Variants in GRIA1 observed in about 807,000 individuals in gnomAD.
GRIA1 encodes the protein glutamate receptor 1.
Under a neutral mutation model 99.2 loss-of-function variants are expected in GRIA1, and 31 were observed. The ratio of observed to expected loss-of-function variants is 0.31; its 90% CI spans 0.23 to 0.42. The LOEUF (loss-of-function observed/expected upper bound fraction) is 0.42. Among genes scored for constraint, GRIA1 ranks in the 10% least tolerant of loss-of-function variants. GRIA1 has a pLI of 1.00. For missense variants in GRIA1, 782 were observed against 1,157.5 expected, an observed-to-expected ratio of 0.68 and a Z score of 4.71; for synonymous variants, 438 against 432.4, an observed-to-expected ratio of 1.01 and a Z score of -0.16.
chr5:153,618,376 C>T (rs1469370748), intron 2 of GRIA1, among the ~76,000 whole-genome samples: 1 of 152,120 alleles, frequency 6.6e-6, no homozygotes, highest in Non-Finnish European at 1.5e-5. Flanking sequence ...CATTCTTGCA[C>T]CCTGCAGGCA....
chr5:153,695,089 G>T lies in GRIA1; in HGVS notation c.1135-2955G>T, dbSNP rs1758000354. Among the ~76,000 whole-genome samples, 5 of 152,024 alleles carry T rather than the reference G, an allele frequency of 3.3e-5. No individual in the cohort carries two copies. In the South Asian group the frequency reaches 1.0e-3, roughly 32 times the overall value. On this transcript the variant is annotated intron_variant, in intron 8 of 15. Transcript: ENST00000285900. ...TTTATTAAATAATCTTACCTTTGAG[G>T]TCCACAAGACCTGGGTTCTATGTTC...
chr5:153,684,897 C>A (rs1438874019), intron 7 of GRIA1, among the ~76,000 whole-genome samples: 1 of 152,076 alleles, frequency 6.6e-6, no homozygotes, highest in East Asian at 1.9e-4. Context: ...GTTGTGACCT[C>A]CTCACTGAGA....
intron 2 of GRIA1, among the ~76,000 whole-genome samples, chr5:153,599,219 C>T (rs921686484): frequency 1.3e-5 from 2 of 152,150 alleles, no homozygotes; most frequent in Non-Finnish European, 2.9e-5. Context: ...TCCTTTTTGG[C>T]TGATTGAAGT....
At chr5:153,503,987 C>T (rs906712421) in intron 2 of GRIA1, among the ~76,000 whole-genome samples, 1 of 152,192 alleles carries the variant, frequency 6.6e-6, no homozygotes, top group South Asian at 2.1e-4. Context: ...TGGCAGCCTT[C>T]ACCTGCCCAG....
chr5:153,791,094 C>T (rs1243249376), intron 13 of GRIA1, among the ~76,000 whole-genome samples: 1 of 151,666 alleles, frequency 6.6e-6, no homozygotes, highest in Non-Finnish European at 1.5e-5. Context: ...CCAGAATCGC[C>T]CCCGGGCCAC....
chr5:153,682,507 C>T (rs1268518657), intron 7 of GRIA1, among the ~76,000 whole-genome samples: 1 of 152,208 alleles, frequency 6.6e-6, no homozygotes, highest in African/African-American at 2.4e-5. Context: ...ACCCTGTCCA[C>T]CACGTCCACC....
chr5:153,803,171 G>A (rs867986039), intron 15 of GRIA1, among the ~76,000 whole-genome samples: 2 of 152,274 alleles, frequency 1.3e-5, no homozygotes, highest in Non-Finnish European at 1.5e-5. Flanking sequence ...ATGTTAACAC[G>A]ATACACTAAA....
At chr5:153,807,933 T>C (rs752829861) in intron 15 of GRIA1, among the ~76,000 whole-genome samples, 1 of 152,236 alleles carries the variant, frequency 6.6e-6, no homozygotes, top group Non-Finnish European at 1.5e-5. Context: ...ACATAGGGCA[T>C]GTTTAAGCTA....
chr5:153,768,038 A>G (rs1581623779), intron 12 of GRIA1, among the ~76,000 whole-genome samples: 1 of 152,192 alleles, frequency 6.6e-6, no homozygotes, highest in East Asian at 1.9e-4. Context: ...TGCTGTGTCC[A>G]TACTGTCAGG....
intron 2 of GRIA1, among the ~76,000 whole-genome samples, chr5:153,629,944 T>G (rs1457896962): frequency 6.6e-6 from 1 of 152,214 alleles, no homozygotes; most frequent in Non-Finnish European, 1.5e-5. Flanking sequence ...AATTTACTTA[T>G]TCAGTGAATG....
chr5:153,571,104 C>T (rs1471307631), intron 2 of GRIA1, among the ~76,000 whole-genome samples: 2 of 152,190 alleles, frequency 1.3e-5, no homozygotes, highest in Non-Finnish European at 2.9e-5. Context: ...TTTTGGGGGG[C>T]TGTCCTGCAC....
chr5:153,642,660 A>C (rs1170515910), intron 2 of GRIA1, among the ~76,000 whole-genome samples: 1 of 151,802 alleles, frequency 6.6e-6, no homozygotes, highest in Non-Finnish European at 1.5e-5. Flanking sequence ...AACAAAGAAG[A>C]AGAAGAGGAA....
intron 11 of GRIA1, among the ~76,000 whole-genome samples, chr5:153,711,126 C>T (rs1481975309): frequency 6.6e-6 from 1 of 152,132 alleles, no homozygotes; most frequent in Non-Finnish European, 1.5e-5. Flanking sequence ...AAGCAGAGGC[C>T]TGCGCAGGGC....
chr5:153,667,620 G>A (rs989137227), intron 5 of GRIA1, among the ~76,000 whole-genome samples: 1 of 152,130 alleles, frequency 6.6e-6, no homozygotes, highest in African/African-American at 2.4e-5. Context: ...CTTTTAAACC[G>A]TTCACCAATC....
chr5:153,741,548 C>T (rs1267548552), intron 11 of GRIA1, among the ~76,000 whole-genome samples: 2 of 152,072 alleles, frequency 1.3e-5, no homozygotes, highest in African/African-American at 2.4e-5. Context: ...ATGTGGTGTA[C>T]ACATACAGTG....
intron 2 of GRIA1, among the ~76,000 whole-genome samples, chr5:153,556,712 C>T (rs763278243): frequency 6.6e-6 from 1 of 152,166 alleles, no homozygotes; most frequent in Non-Finnish European, 1.5e-5. Flanking sequence ...AACTCTAGAG[C>T]AAGGATCTCT....
chr5:153,601,269 A>G (rs1435608070), intron 2 of GRIA1, among the ~76,000 whole-genome samples: 2 of 152,242 alleles, frequency 1.3e-5, no homozygotes, highest in African/African-American at 4.8e-5. Context: ...CTAAGATCTC[A>G]TAACTCATAA....
intron 2 of GRIA1, among the ~76,000 whole-genome samples, chr5:153,593,489 G>C (rs1764158227): frequency 6.6e-6 from 1 of 152,138 alleles, no homozygotes; most frequent in Non-Finnish European, 1.5e-5. Context: ...TTTACGTTAT[G>C]ATGACTAAAT....
At chr5:153,742,199 G>C (rs1581579069) in intron 11 of GRIA1, among the ~76,000 whole-genome samples, 1 of 152,168 alleles carries the variant, frequency 6.6e-6, no homozygotes, top group South Asian at 2.1e-4. Context: ...GATGGATTTT[G>C]AAGTGAGGAA....
Sources: allele counts gnomAD v4.1 joint callset (sites outside exome capture counted in the v4.1 genomes callset), GRCh38; gene constraint gnomAD v4.1.1; transcripts MANE v1.5; gene names NCBI Gene and HGNC (gene_info 2026-07-23, HGNC 2026-07-21).